PCDHGA10: variants seen among roughly 807,000 people sequenced by gnomAD.
PCDHGA10 encodes protocadherin gamma subfamily A, 10.
PCDHGA10 carries 42 observed loss-of-function variants against 59.5 expected under a neutral mutation model. The observed-to-expected ratio is 0.71, with a 90% CI of 0.55 to 0.91. The LOEUF (loss-of-function observed/expected upper bound fraction) is 0.91. Among genes scored for constraint, PCDHGA10 ranks in the 40% least tolerant of loss-of-function variants. The pLI, the probability that PCDHGA10 is intolerant of heterozygous loss-of-function variation, is 0.00. For missense variants in PCDHGA10, 1,111 were observed against 1,198.2 expected (o/e 0.93, Z 1.07); for synonymous variants, 511 against 517.2 (o/e 0.99, Z 0.16).
At chr5:141,427,371 G>A (rs772247790) in intron 1 of PCDHGA10, 3 of 458,018 alleles carry the variant, frequency 6.5e-6, no homozygotes, top group East Asian at 6.9e-5. Context: ...ACCCTGGACG[G>A]TGATCACTCT....
intron 2 of PCDHGA10, among the ~76,000 whole-genome samples, chr5:141,502,002 C>T (rs1434269040): frequency 1.3e-5 from 2 of 152,164 alleles, no homozygotes; most frequent in South Asian, 2.1e-4. Context: ...CCTGACAACC[C>T]GCATGCTCTC....
At chr5:141,430,947 G>T (rs1169662602) in intron 1 of PCDHGA10, 1 of 1,610,002 alleles carries the variant, frequency 6.2e-7, no homozygotes, top group Non-Finnish European at 8.5e-7. Flanking sequence ...GCGGAGCGCG[G>T]AGTCCGCATC....
At chr5:141,435,575 C>T (rs1054936213) in intron 1 of PCDHGA10, among the ~76,000 whole-genome samples, 2 of 152,088 alleles carry the variant, frequency 1.3e-5, no homozygotes, top group South Asian at 2.1e-4. Context: ...AGTACTGGGG[C>T]AAATTTGCAG....
At position 141,432,993 on chromosome 5, in the gene PCDHGA10, G is replaced by C. The variant is rs749499789; in HGVS notation, c.2436+17382G>C. 7 of 1,614,208 alleles carry C rather than the reference G, an allele frequency of 4.3e-6. No homozygotes were observed. In the South Asian group the frequency reaches 7.7e-5, roughly 18 times the overall value. On this transcript the variant is annotated intron_variant, in intron 1 of 3. Transcript: ENST00000398610. This position sits in a 1 kb window ranked among gnomAD's most constrained non-coding sequence, Gnocchi z 6.0. ...GCGTCGCACTTTGTGGGCGTGGACG[G>C]GGTGCAGGCTTTCCTGCAGACCTAT...
chr5:141,419,769 C>A (rs773303779), intron 1 of PCDHGA10: 14 of 1,614,006 alleles, frequency 8.7e-6, no homozygotes, highest in East Asian at 4.5e-5. Context: ...GACAAGGACT[C>A]GGTCCGCCAG....
chr5:141,487,067 G>C lies in PCDHGA10; in HGVS notation c.2437-7740G>C, dbSNP rs765539804. 3 of 1,614,048 alleles carry C rather than the reference G, an allele frequency of 1.9e-6. No individual in the cohort carries two copies. The highest frequency in any genetic ancestry group is 3.3e-5 in the Admixed American group (2 of 60,010). ...ATATGCTGGGGAGGTGCGGACGGCT[G>C]TTCCTATCCCAGCTGACCTCCCACC... On this transcript the variant is annotated intron_variant, in intron 1 of 3. Coordinates refer to ENST00000398610, the MANE Select transcript of PCDHGA10 (RefSeq NM_018913.3). The surrounding 1 kb of genome is among the most constrained non-coding windows in gnomAD (Gnocchi z 5.0).
At chr5:141,447,861 G>A (rs2098553733) in intron 1 of PCDHGA10, among the ~76,000 whole-genome samples, 1 of 152,120 alleles carries the variant, frequency 6.6e-6, no homozygotes, top group Non-Finnish European at 1.5e-5. Flanking sequence ...CGAGGTGGGT[G>A]AATCATCTGA....
chr5:141,444,001 C>G (rs2098413288), intron 1 of PCDHGA10, among the ~76,000 whole-genome samples: 1 of 151,914 alleles, frequency 6.6e-6, no homozygotes, highest in Non-Finnish European at 1.5e-5. Flanking sequence ...TTAAATGCTA[C>G]CTGGGTATTG....
chr5:141,424,956 T>C (rs1435882776), intron 1 of PCDHGA10, among the ~76,000 whole-genome samples: 3 of 152,176 alleles, frequency 2.0e-5, no homozygotes, highest in African/African-American at 7.2e-5. Context: ...TTCTAGGTAT[T>C]TGCCCCAAAT....
Position 141,414,583 on chromosome 5 carries a change from G to A in PCDHGA10, c.1408G>A (p.Ala470Thr), listed in dbSNP as rs570765907. The change falls in exon 1 of 4, where the codon GCC becomes ACC. Residue 470 changes from alanine (A) to threonine (T), a missense_variant. Transcript: ENST00000398610. ...CTTTACCTATATCCCAGAGAACAAC[G>A]CCAGGGGTGCCTCCATCTTCTCAGT... is the stretch of plus-strand genomic sequence containing the variant. ...SYFTYIPENN[A>T]RGASIFSVTA... The A allele has an allele frequency of 6.2e-7, 1 of 1,613,736 alleles. No homozygotes were observed. The highest frequency in any genetic ancestry group is 8.5e-7 in the Non-Finnish European group (1 of 1,179,874).
chr5:141,417,980 C>A lies in PCDHGA10; in HGVS notation c.2436+2369C>A, dbSNP rs905203424. On this transcript the variant is annotated intron_variant, in intron 1 of 3. Transcript: ENST00000398610. ...GATCCGCTACTCGATTCCGGAGGAG[C>A]TGGCCAAGGGCTCGGTGGTGGGGAA... is the stretch of plus-strand genomic sequence containing the variant. 4.3e-6 allele frequency: 7 copies of A among 1,613,856 alleles called. No homozygotes were observed. The Admixed American group carries it at 1.0e-4, about 23-fold the overall frequency.
intron 1 of PCDHGA10, chr5:141,422,401 C>G: frequency 6.3e-7 from 1 of 1,598,896 alleles, no homozygotes; most frequent in Non-Finnish European, 8.5e-7. Context: ...TAACCACCTG[C>G]CTTTTAAATT....
intron 1 of PCDHGA10, among the ~76,000 whole-genome samples, chr5:141,434,491 C>CCCAGGGCAGAAAACTGCTTAA (rs1300377022): frequency 1.8e-4 from 27 of 152,302 alleles, no homozygotes; most frequent in Non-Finnish European, 3.4e-4. Context: ...ACCTGGCCCG[C>CCCAGGGCAGAAAACTGCTTAA]CCAGGGCAGA....
At position 141,491,489 on chromosome 5, in the gene PCDHGA10, A is replaced by T; in HGVS notation, c.2437-3318A>T. 1.2e-6 allele frequency: 2 copies of T among 1,614,130 alleles called. No individual in the cohort carries two copies. Among genetic ancestry groups the T allele is most frequent in the Non-Finnish European group, 1.7e-6 (2 of 1,180,018 alleles). On this transcript the variant is annotated intron_variant, in intron 1 of 3. Coordinates refer to ENST00000398610, the MANE Select transcript of PCDHGA10 (RefSeq NM_018913.3). This position sits in a 1 kb window ranked among gnomAD's most constrained non-coding sequence, Gnocchi z 6.9. ...TATAAGCAGTCCAGCCCCAACCTGC[A>T]GGTGAGCTCGGACGGCACGCTCAAG... is the stretch of plus-strand genomic sequence containing the variant.
chr5:141,455,529 G>A (rs2098825323), intron 1 of PCDHGA10, among the ~76,000 whole-genome samples: 1 of 152,146 alleles, frequency 6.6e-6, no homozygotes, highest in Non-Finnish European at 1.5e-5. Flanking sequence ...GGTTTGACCA[G>A]GCATATCATT....
At chr5:141,427,889 G>C in intron 1 of PCDHGA10, 1 of 1,566,516 alleles carries the variant, frequency 6.4e-7, no homozygotes, top group South Asian at 1.1e-5. Flanking sequence ...CCCACGACCA[G>C]GGCTCGCCCG....
chr5:141,419,426 G>A (rs753089031), intron 1 of PCDHGA10: 19 of 1,613,194 alleles, frequency 1.2e-5, no homozygotes, highest in Non-Finnish European at 1.5e-5. Context: ...CTTCGACCAC[G>A]AGCAGCTGCG....
intron 1 of PCDHGA10, chr5:141,421,848 T>C (rs571838248): frequency 4.9e-5 from 79 of 1,613,634 alleles, no homozygotes; most frequent in Non-Finnish European, 6.0e-5. Flanking sequence ...AGAAAGAGGC[T>C]GCTCACCTGC....
At position 141,511,127 on chromosome 5, in the gene PCDHGA10, G is replaced by C; in HGVS notation, c.2765G>C (p.Gly922Ala). 1 of 1,614,194 alleles carries C rather than the reference G, an allele frequency of 6.2e-7. No individual in the cohort carries two copies. Among genetic ancestry groups the C allele is most frequent in the Non-Finnish European group, 8.5e-7 (1 of 1,180,018 alleles). The change falls in exon 4 of 4, where the codon GGT becomes GCT. Residue 922 changes from glycine to alanine, a missense_variant. Coordinates refer to ENST00000398610, the MANE Select transcript of PCDHGA10 (RefSeq NM_018913.3). ...AGKRDGKAPA[G>A]GNGNKKKSGK... ...AAGCGGGATGGCAAGGCCCCAGCAG[G>C]TGGCAATGGCAACAAGAAGAAGTCG...
Sources: allele counts gnomAD v4.1 joint callset (sites outside exome capture counted in the v4.1 genomes callset), GRCh38; gene constraint gnomAD v4.1.1; non-coding constraint Gnocchi (gnomAD v3.1); transcripts MANE v1.5; gene names NCBI Gene and HGNC (gene_info 2026-07-23, HGNC 2026-07-21).